Variants in IL1RAPL1 observed in about 807,000 individuals in gnomAD.
IL1RAPL1 encodes interleukin-1 receptor accessory protein-like 1.
IL1RAPL1 carries 3 observed loss-of-function variants against 48.4 expected under a neutral mutation model. The ratio of observed to expected loss-of-function variants is 0.06; its 90% CI spans 0.03 to 0.16. The LOEUF (loss-of-function observed/expected upper bound fraction) is 0.16, where lower values mean the gene tolerates loss of function less well. Among genes scored for constraint, IL1RAPL1 ranks in the 10% least tolerant of loss-of-function variants. The pLI, the probability that IL1RAPL1 is intolerant of heterozygous loss-of-function variation, is 1.00. For synonymous variants in IL1RAPL1, 185 were observed against 187.7 expected (o/e 0.99, Z 0.12); for missense variants, 349 against 530.6 (o/e 0.66, Z 3.36).
intron 2 of IL1RAPL1, among the ~76,000 whole-genome samples, chrX:28,935,787 A>G (rs1256278268): frequency 8.9e-6 from 1 of 111,806 alleles, no homozygotes; most frequent in Non-Finnish European, 1.9e-5. Flanking sequence ...GGAATACCTA[A>G]TGCTGCCCCG....
chrX:29,557,655 T>C (rs1160354211), intron 5 of IL1RAPL1, among the ~76,000 whole-genome samples: 1 of 111,503 alleles, frequency 9.0e-6, no homozygotes, highest in Non-Finnish European at 1.9e-5. Context: ...TTTGTACACT[T>C]TGATCAACAT....
At chrX:29,459,575 A>C (rs1934779414) in intron 5 of IL1RAPL1, among the ~76,000 whole-genome samples, 1 of 111,515 alleles carries the variant, frequency 9.0e-6, no homozygotes, top group South Asian at 3.8e-4. Context: ...GCCCCAACAT[A>C]GTCAGGTAAG....
chrX:29,803,633 GTATA>G (rs1195777466), intron 6 of IL1RAPL1, among the ~76,000 whole-genome samples: 7 of 102,247 alleles, frequency 6.8e-5, no homozygotes, highest in African/African-American at 1.8e-4. Context: ...GTATATATGT[GTATA>G]TATATACACG....
At chrX:28,876,847 CAAGAAT>C (rs1922388250) in intron 2 of IL1RAPL1, among the ~76,000 whole-genome samples, 1 of 111,305 alleles carries the variant, frequency 9.0e-6, no homozygotes, top group East Asian at 2.8e-4. Flanking sequence ...TGTCCTTTCA[CAAGAAT>C]AAAACTGATT....
At chrX:28,765,274 C>T (rs1424280331) in intron 1 of IL1RAPL1, among the ~76,000 whole-genome samples, 1 of 110,619 alleles carries the variant, frequency 9.0e-6, no homozygotes, top group African/African-American at 3.3e-5. Context: ...GCACGTTGTG[C>T]ACATGTACCT....
intron 8 of IL1RAPL1, among the ~76,000 whole-genome samples, chrX:29,925,472 G>T (rs1261272010): frequency 1.6e-5 from 1 of 61,354 alleles, no homozygotes; most frequent in Non-Finnish European, 2.8e-5. Flanking sequence ...CTGCTCATTT[G>T]TATAAGACGT....
intron 1 of IL1RAPL1, among the ~76,000 whole-genome samples, chrX:28,752,680 G>A (rs1283001605): frequency 8.9e-6 from 1 of 112,303 alleles, no homozygotes; most frequent in Non-Finnish European, 1.9e-5. Flanking sequence ...TGCAAATCTG[G>A]TACAAGGTTT....
chrX:29,134,697 A>G (rs1383505181), intron 2 of IL1RAPL1, among the ~76,000 whole-genome samples: 1 of 111,475 alleles, frequency 9.0e-6, no homozygotes, highest in Non-Finnish European at 1.9e-5. Context: ...TTAATATGTC[A>G]GTGAGTCCTA....
At chrX:29,373,898 CGAG>C (rs367568178) in intron 3 of IL1RAPL1, among the ~76,000 whole-genome samples, 160 of 9,932 alleles carry the variant, frequency 0.016, 3 homozygotes, top group African/African-American at 0.052. Context: ...TTTTTTGTGA[CGAG>C]GTCTCTTTGT....
intron 1 of IL1RAPL1, among the ~76,000 whole-genome samples, chrX:28,716,725 A>G (rs775007641): frequency 1.5e-3 from 163 of 111,876 alleles, no homozygotes; most frequent in African/African-American, 4.8e-3. Flanking sequence ...AACTATCAAC[A>G]GACAACCTAC....
Position 29,486,221 on chromosome X carries a change from G to A in IL1RAPL1, c.703+86913G>A, listed in dbSNP as rs772645203. 8.7e-4 allele frequency among the ~76,000 whole-genome samples: 96 copies of A among 110,911 alleles called. 2 individuals carry two copies. Among genetic ancestry groups the A allele is most frequent in the African/African-American group, 2.6e-3 (79 of 30,511 alleles). ...AGATCCCAGGTTCCATTCCAATATA[G>A]TTGGTCTCAACTATATTCCAATCTG... On this transcript the variant is annotated intron_variant, in intron 5 of 10. Transcript: ENST00000378993.
At chrX:28,977,876 G>A (rs887705759) in intron 2 of IL1RAPL1, among the ~76,000 whole-genome samples, 3 of 111,798 alleles carry the variant, frequency 2.7e-5, no homozygotes, top group African/African-American at 6.5e-5. Flanking sequence ...AGAATTGCTC[G>A]AACCAGGACC....
intron 2 of IL1RAPL1, among the ~76,000 whole-genome samples, chrX:29,210,149 T>C (rs934186518): frequency 6.2e-5 from 7 of 112,116 alleles, no homozygotes; most frequent in Admixed American, 1.9e-4. Flanking sequence ...TAGAGTTGTT[T>C]TGCTTTTATC....
chrX:29,140,905 G>C (rs1929230181), intron 2 of IL1RAPL1, among the ~76,000 whole-genome samples: 1 of 111,194 alleles, frequency 9.0e-6, no homozygotes, highest in South Asian at 3.8e-4. Context: ...TGTTACATTG[G>C]TGATTAGGTT....
chrX:29,632,749 T>C (rs1924821328), intron 5 of IL1RAPL1, among the ~76,000 whole-genome samples: 1 of 111,346 alleles, frequency 9.0e-6, no homozygotes, highest in African/African-American at 3.3e-5. Context: ...AAAGGAATCA[T>C]GTCATTTTTT....
At chrX:29,515,056 A>G (rs1385880825) in intron 5 of IL1RAPL1, among the ~76,000 whole-genome samples, 1 of 112,448 alleles carries the variant, frequency 8.9e-6, no homozygotes, top group African/African-American at 3.2e-5. Flanking sequence ...TCATTTATTC[A>G]TGTTGATTTG....
chrX:28,794,847 A>G (rs1936591490), intron 2 of IL1RAPL1, among the ~76,000 whole-genome samples: 1 of 112,202 alleles, frequency 8.9e-6, no homozygotes, highest in Non-Finnish European at 1.9e-5. Flanking sequence ...AAATTATACT[A>G]CTGTGTAAAG....
chrX:28,692,895 A>G (rs1935194854), intron 1 of IL1RAPL1, among the ~76,000 whole-genome samples: 1 of 111,521 alleles, frequency 9.0e-6, no homozygotes, highest in Admixed American at 9.5e-5. Context: ...TAAATTGACA[A>G]ATCATACTTG....
In IL1RAPL1 at chrX:29,712,494, A is replaced by G. The variant is rs185675506; in HGVS notation, c.778+43990A>G. Among the ~76,000 whole-genome samples the G allele has an allele frequency of 3.5e-3, 395 of 112,150 alleles. 3 individuals are homozygous for G. Among genetic ancestry groups the G allele is most frequent in the African/African-American group, 0.012 (375 of 30,990 alleles). On this transcript the variant is annotated intron_variant, in intron 6 of 10. Coordinates refer to ENST00000378993, the MANE Select transcript of IL1RAPL1 (RefSeq NM_014271.4). ...TTGTTTAAAATAAGAACTTAAATCT[A>G]AAGGAGATACTTATGATGTCTAAAT...
Sources: allele counts gnomAD v4.1 joint callset (sites outside exome capture counted in the v4.1 genomes callset), GRCh38; gene constraint gnomAD v4.1.1; transcripts MANE v1.5; gene names NCBI Gene and HGNC (gene_info 2026-07-23, HGNC 2026-07-21).